The following BST1 variants were observed in gnomAD, a reference collection of about 807,000 sequenced individuals.
The protein encoded by BST1 is bone marrow stromal cell antigen 1.
A neutral mutation model predicts 40.6 loss-of-function variants in BST1; 49 were observed. The ratio of observed to expected loss-of-function variants is 1.21; its 90% CI spans 0.96 to 1.53. The LOEUF (loss-of-function observed/expected upper bound fraction) is 1.53, where lower values mean the gene tolerates loss of function less well. Among genes scored for constraint, BST1 ranks in the 40% most tolerant of loss-of-function variants. The probability of loss-of-function intolerance (pLI) is 0.00; values close to 1 mark genes in which losing one functional copy is unlikely to be tolerated. For synonymous variants in BST1, 157 were observed against 159.3 expected, an observed-to-expected ratio of 0.99 and a Z score of 0.11; for missense variants, 423 against 395.9, an observed-to-expected ratio of 1.07 and a Z score of -0.58.
Position 15,715,710 on chromosome 4 carries a change from T to C in BST1, c.615T>C (p.Phe205=). The change falls in exon 6 of 9, where the codon TTT becomes TTC. Residue 205 remains phenylalanine, a synonymous_variant. Coordinates refer to ENST00000265016, the MANE Select transcript of BST1 (RefSeq NM_004334.3). ...EPTGAYPIKG[F]FADYEIPNLQ... is the part of the protein sequence containing the mutation. Reference sequence around the variant, plus strand: ...GGCTTCAAGAAATGTTTCTCAGTTTTTTTGCAGATTATGAAATTCCAAACC... The same window carrying C: ...GGCTTCAAGAAATGTTTCTCAGTTTCTTTGCAGATTATGAAATTCCAAACC... 1 of 1,588,634 alleles carries C rather than the reference T, an allele frequency of 6.3e-7. No homozygotes were observed. The highest frequency in any genetic ancestry group is 8.6e-7 in the Non-Finnish European group (1 of 1,167,302).
chr4:15,720,809 C>A (rs1307999228), intron 7 of BST1, among the ~76,000 whole-genome samples: 3 of 152,002 alleles, frequency 2.0e-5, no homozygotes, highest in Non-Finnish European at 4.4e-5. Flanking sequence ...ACAAAGTAAA[C>A]CCCTAGCCAT....
chr4:15,737,228 T>G (rs1424288190), downstream of BST1, among the ~76,000 whole-genome samples: 1 of 152,234 alleles, frequency 6.6e-6, no homozygotes, highest in African/African-American at 2.4e-5. Flanking sequence ...CTAGAGTTGT[T>G]TGATAGCTGT....
chr4:15,733,898 T>C (rs1721472707), downstream of BST1, among the ~76,000 whole-genome samples: 1 of 152,200 alleles, frequency 6.6e-6, no homozygotes, highest in African/African-American at 2.4e-5. Flanking sequence ...ACATGGGTTT[T>C]AGAATATTTG....
intron 3 of BST1, among the ~76,000 whole-genome samples, chr4:15,710,762 G>A (rs778750664): frequency 6.6e-6 from 1 of 151,878 alleles, no homozygotes; most frequent in African/African-American, 2.4e-5. Context: ...TGGCTCAATA[G>A]TATTGCATTA....
intron 2 of BST1, among the ~76,000 whole-genome samples, chr4:15,706,861 G>A (rs536504317): frequency 1.3e-5 from 2 of 152,306 alleles, no homozygotes; most frequent in East Asian, 3.9e-4. Context: ...TTGGTGCTAA[G>A]GGTTAAGGAT....
At position 15,731,924 on chromosome 4, in the gene BST1, A is replaced by G; in HGVS notation, c.*79A>G. On this transcript the variant is annotated 3_prime_UTR_variant, in exon 9 of 9. Coordinates refer to ENST00000265016, the MANE Select transcript of BST1 (RefSeq NM_004334.3). ...TCATCATTCGTGTTCTGTGTATACC[A>G]AATGATTCTGTTATCTAAAGAAGCT... The G allele has an allele frequency of 2.7e-6, 4 of 1,461,612 alleles. 1 individual carries two copies. The South Asian group carries it at 5.7e-5, about 21-fold the overall frequency. The allele number at this position is 1,461,612 out of a possible 1,614,324, so 90.5% of individuals were successfully genotyped here. A position where few individuals can be genotyped will look rare whatever the true frequency, so the allele number is the denominator to read the frequency against.
chr4:15,742,703 T>C (rs1417131042), downstream of BST1, among the ~76,000 whole-genome samples: 1 of 152,194 alleles, frequency 6.6e-6, no homozygotes, highest in Admixed American at 6.5e-5. Context: ...GAAACACTGA[T>C]GAAGAAGTGG....
At chr4:15,712,655 G>A (rs967351792) in intron 4 of BST1, among the ~76,000 whole-genome samples, 9 of 152,166 alleles carry the variant, frequency 5.9e-5, no homozygotes, top group African/African-American at 1.9e-4. Flanking sequence ...GTATCCACTA[G>A]GTTGATTGTT....
chr4:15,715,809 G>C lies in BST1; in HGVS notation c.704+10G>C. The C allele has an allele frequency of 6.5e-7, 1 of 1,534,820 alleles. No homozygotes were observed. Among genetic ancestry groups the C allele is most frequent in the Non-Finnish European group, 8.8e-7 (1 of 1,134,918 alleles). On this transcript the variant is annotated intron_variant, in intron 6 of 8. Transcript: ENST00000265016. ...TTGGGGGACCCAATGTGTAAGTTAT[G>C]GTGATATTGATGATGATAATTGCAC...
chr4:15,747,694 C>T, the BST1 span, among the ~76,000 whole-genome samples: 1 of 152,106 alleles, frequency 6.6e-6, no homozygotes, highest in Non-Finnish European at 1.5e-5. Context: ...TTATTAGAGA[C>T]AAGTTCCTAC....
At chr4:15,770,247 A>G in the BST1 span, among the ~76,000 whole-genome samples, 1 of 152,160 alleles carries the variant, frequency 6.6e-6, no homozygotes, top group South Asian at 2.1e-4. Flanking sequence ...GTTTCTACTA[A>G]CCAGCTGTGT....
chr4:15,764,648 A>G, the BST1 span, among the ~76,000 whole-genome samples: 1 of 151,904 alleles, frequency 6.6e-6, no homozygotes, highest in Non-Finnish European at 1.5e-5. Flanking sequence ...TTCAGCATCT[A>G]TTCACCCTAT....
the BST1 span, among the ~76,000 whole-genome samples, chr4:15,743,876 C>G: frequency 6.6e-6 from 1 of 152,178 alleles, no homozygotes; most frequent in African/African-American, 2.4e-5. Flanking sequence ...ATTAGGGACG[C>G]TGGTCAGACC....
At chr4:15,747,851 A>AT in the BST1 span, among the ~76,000 whole-genome samples, 2 of 151,948 alleles carry the variant, frequency 1.3e-5, no homozygotes, top group Admixed American at 1.3e-4. Flanking sequence ...TTAAATTCTT[A>AT]TTTTTTGTAG....
intron 4 of BST1, among the ~76,000 whole-genome samples, chr4:15,713,493 C>A (rs1560280383): frequency 6.6e-6 from 1 of 151,990 alleles, no homozygotes; most frequent in Non-Finnish European, 1.5e-5. Context: ...CAAATAGTTT[C>A]ATCTTTATGA....
At chr4:15,750,188 C>G in the BST1 span, among the ~76,000 whole-genome samples, 1 of 152,084 alleles carries the variant, frequency 6.6e-6, no homozygotes, top group African/African-American at 2.4e-5. Flanking sequence ...CTATGCCCAG[C>G]TAATTTTTGT....
chr4:15,743,351 G>T, the BST1 span: 2 of 346,354 alleles, frequency 5.8e-6, no homozygotes, highest in South Asian at 5.7e-5. Flanking sequence ...CAGAGATCAT[G>T]ACTTCGGTGG....
rs1313551577 is a variant in BST1 at position 15,731,193 on chromosome 4, C to T, written c.852-547C>T. Reference sequence around the variant, plus strand: ...CGGACTTCATCTCATCCACTTTGGCCACCATGTTTTCCTTGTGTGTGAGCA... The same window carrying T: ...CGGACTTCATCTCATCCACTTTGGCTACCATGTTTTCCTTGTGTGTGAGCA... On this transcript the variant is annotated intron_variant, in intron 8 of 8. Coordinates refer to ENST00000265016, the MANE Select transcript of BST1 (RefSeq NM_004334.3). 1.4e-5 allele frequency: 6 copies of T among 436,864 alleles called. No individual in the cohort carries two copies. The East Asian group carries it at 3.3e-4, about 24-fold the overall frequency. The allele number at this position is 436,864 out of a possible 1,614,324, so 27.1% of individuals were successfully genotyped here.
chr4:15,707,555 A>C lies in BST1; in HGVS notation c.360A>C (p.Ala120=). The C allele has an allele frequency of 6.2e-7, 1 of 1,614,056 alleles. No homozygotes were observed. The highest frequency in any genetic ancestry group is 8.5e-7 in the Non-Finnish European group (1 of 1,179,990). Residue 120 remains alanine, a synonymous_variant, in exon 3 of 9, where the codon GCA becomes GCC. Coordinates refer to ENST00000265016, the MANE Select transcript of BST1 (RefSeq NM_004334.3). The part of the protein sequence containing the change: ...ENSHLLVNSF[A]DNTRRFMPLS... Reference sequence around the variant, plus strand: ...GCCACCTCCTTGTTAACAGCTTTGCAGACAACACCCGTCGTTTTATGCCCC... The same window carrying C: ...GCCACCTCCTTGTTAACAGCTTTGCCGACAACACCCGTCGTTTTATGCCCC...
Sources: gnomAD v4.1 joint callset for allele counts (sites outside exome capture counted in the v4.1 genomes callset) on GRCh38, gnomAD v4.1.1 for gene constraint, MANE v1.5 for transcripts, NCBI Gene and HGNC (gene_info 2026-07-23, HGNC 2026-07-21) for gene names.